ATP2C1: variants seen among roughly 807,000 people sequenced by gnomAD.
The protein encoded by ATP2C1 is ATPase secretory pathway Ca2+ transporting 1, also known as calcium-transporting ATPase type 2C member 1.
ATP2C1 carries 31 observed loss-of-function variants against 120.5 expected under a neutral mutation model. The ratio of observed to expected loss-of-function variants is 0.26; its 90% CI spans 0.19 to 0.35. The LOEUF (loss-of-function observed/expected upper bound fraction) is 0.35, where lower values mean the gene tolerates loss of function less well. ATP2C1 is among the 10% of genes least tolerant of loss of function. ATP2C1 has a pLI of 1.00. For missense variants in ATP2C1, 731 were observed against 1,107.5 expected, an observed-to-expected ratio of 0.66 and a Z score of 4.83; for synonymous variants, 351 against 358.7, an observed-to-expected ratio of 0.98 and a Z score of 0.24.
At chr3:130,891,739 T>A (rs190724788), upstream of ATP2C1, among the ~76,000 whole-genome samples, 2 of 152,320 alleles carry the variant, frequency 1.3e-5, no homozygotes, top group South Asian at 4.1e-4. Context: ...CTTACAAAAA[T>A]CTTTTGAAAG....
At chr3:130,937,895 A>T (rs918500265) in intron 6 of ATP2C1, among the ~76,000 whole-genome samples, 1 of 152,230 alleles carries the variant, frequency 6.6e-6, no homozygotes, top group African/African-American at 2.4e-5. Flanking sequence ...TCGATCTGTG[A>T]TGTACCATTT....
At chr3:131,014,131 C>A in intron 26 of ATP2C1, 1 of 1,612,986 alleles carries the variant, frequency 6.2e-7, no homozygotes, top group Non-Finnish European at 8.5e-7. Flanking sequence ...TTGTTTCCCT[C>A]ATACCAACAC....
At chr3:131,014,195 C>G in intron 26 of ATP2C1, 1 of 1,612,990 alleles carries the variant, frequency 6.2e-7, no homozygotes, top group South Asian at 1.1e-5. Flanking sequence ...TATTCTGTTT[C>G]TTCTGCCTTT....
chr3:130,993,512 G>A (rs1464630113), intron 21 of ATP2C1, among the ~76,000 whole-genome samples: 1 of 152,158 alleles, frequency 6.6e-6, no homozygotes, highest in African/African-American at 2.4e-5. Flanking sequence ...TTTTGGACTG[G>A]ATAATTCCTT....
chr3:130,985,731 A>G (rs1429215379), intron 20 of ATP2C1, among the ~76,000 whole-genome samples: 2 of 152,032 alleles, frequency 1.3e-5, no homozygotes, highest in African/African-American at 4.8e-5. Flanking sequence ...AGCATATTAC[A>G]GAGATAAATG....
chr3:130,913,371 T>C (rs919259143), intron 2 of ATP2C1, among the ~76,000 whole-genome samples: 1 of 152,212 alleles, frequency 6.6e-6, no homozygotes, highest in African/African-American at 2.4e-5. Context: ...TTTATCTGAG[T>C]TGTTGATAAA....
At chr3:130,941,147 C>T (rs852213) in intron 7 of ATP2C1, among the ~76,000 whole-genome samples, 26,701 of 151,576 alleles carry the variant, frequency 0.18, 2,525 homozygotes, top group Middle Eastern at 0.24. Flanking sequence ...ATCTCCTGAC[C>T]TCGTGATCTG....
intron 11 of ATP2C1, among the ~76,000 whole-genome samples, chr3:130,956,819 G>A (rs991032632): frequency 3.9e-5 from 6 of 152,124 alleles, no homozygotes; most frequent in Non-Finnish European, 7.4e-5. Context: ...GAAACCGAAT[G>A]CTTTGTCATG....
chr3:130,958,535 A>C (rs79655218), intron 11 of ATP2C1, among the ~76,000 whole-genome samples: 3 of 152,058 alleles, frequency 2.0e-5, no homozygotes, highest in Non-Finnish European at 2.9e-5. Context: ...GAAAAAAAAA[A>C]CTTGTCTTAA....
At chr3:130,893,942 T>G, upstream of ATP2C1, 2 of 985,688 alleles carry the variant, frequency 2.0e-6, no homozygotes, top group Non-Finnish European at 2.4e-6. Context: ...TCCCAGCCCG[T>G]GAACACGAAT....
At chr3:130,959,246 G>A (rs753009575) in intron 11 of ATP2C1, 29 bp from the exon 12 acceptor site, 11 of 1,546,132 alleles carry the variant, frequency 7.1e-6, no homozygotes, top group African/African-American at 2.7e-5. Context: ...TATGTAAAAG[G>A]GAAAAATAAC....
chr3:131,006,171 G>A (rs1431632244), downstream of ATP2C1, among the ~76,000 whole-genome samples: 3 of 152,160 alleles, frequency 2.0e-5, no homozygotes, highest in African/African-American at 7.2e-5. Flanking sequence ...GAGTGCAGTG[G>A]TGCGATCTTG....
intron 2 of ATP2C1, among the ~76,000 whole-genome samples, chr3:130,904,346 CT>C (rs1452795243): frequency 1.3e-5 from 2 of 151,672 alleles, no homozygotes; most frequent in Non-Finnish European, 2.9e-5. Flanking sequence ...GCTTTTCAGT[CT>C]TTTTTTTCTC....
chr3:130,896,188 G>C (rs2069611421), intron 2 of ATP2C1, among the ~76,000 whole-genome samples: 1 of 152,156 alleles, frequency 6.6e-6, no homozygotes, highest in African/African-American at 2.4e-5. Flanking sequence ...AGATTTAAGA[G>C]GGTAGCCTAA....
intron 8 of ATP2C1, 88 bp from the exon 9 acceptor site, chr3:130,953,733 T>C: frequency 7.2e-7 from 1 of 1,387,932 alleles, no homozygotes. Context: ...AAAAGGGATG[T>C]TTGAGGAAGA....
intron 2 of ATP2C1, among the ~76,000 whole-genome samples, chr3:130,925,641 G>C (rs1338633426): frequency 2.0e-5 from 3 of 152,202 alleles, no homozygotes; most frequent in African/African-American, 7.2e-5. Flanking sequence ...ACTTGGTCAA[G>C]TATTCAGGTT....
rs2069385664 is a variant in ATP2C1, at chr3:130,894,380, C to A, written c.-181+43C>A. 3.6e-6 allele frequency: 4 copies of A among 1,124,394 alleles called. No homozygotes were observed. The highest frequency in any genetic ancestry group is 2.3e-5 in the South Asian group (1 of 43,652). The allele number at this position is 1,124,394 out of a possible 1,614,324, so 69.7% of individuals were successfully genotyped here. A position where few individuals can be genotyped will look rare whatever the true frequency, so the allele number is the denominator to read the frequency against. ...CTCCTGCCCCCATTTCTAGAAACTT[C>A]CAGGTTCTGAAGGAAGGGGAGGTTC... is the stretch of plus-strand genomic sequence containing the variant. On this transcript the variant is annotated intron_variant, in intron 1 of 27. Transcript: ENST00000510168. The surrounding 1 kb of genome is among the most constrained non-coding windows in gnomAD (Gnocchi z 4.5).
chr3:130,895,568 A>T (rs977561055), intron 2 of ATP2C1, among the ~76,000 whole-genome samples: 1 of 151,148 alleles, frequency 6.6e-6, no homozygotes, highest in East Asian at 1.9e-4. Flanking sequence ...GTGCGTGATC[A>T]TTTTTTTTTC....
chr3:130,992,818 C>T, intron 20 of ATP2C1, 133 bp from the exon 21 acceptor site: 1 of 721,152 alleles, frequency 1.4e-6, no homozygotes. Flanking sequence ...TGTCATATTG[C>T]TTAAGCTTGA....
Sources: allele counts gnomAD v4.1 joint callset (sites outside exome capture counted in the v4.1 genomes callset), GRCh38; gene constraint gnomAD v4.1.1; non-coding constraint Gnocchi (gnomAD v3.1); transcripts MANE v1.5; gene names NCBI Gene and HGNC (gene_info 2026-07-23, HGNC 2026-07-21).